CDYL2: variants seen among roughly 807,000 people sequenced by gnomAD.
CDYL2 encodes the protein chromodomain Y-like protein 2.
CDYL2 carries 23 observed loss-of-function variants against 49.4 expected under a neutral mutation model. That is an observed-to-expected ratio of 0.47 (90% CI 0.34 to 0.66). The LOEUF (loss-of-function observed/expected upper bound fraction) is 0.66, where lower values mean the gene tolerates loss of function less well. CDYL2 is among the 30% of genes least tolerant of loss of function. The pLI is 0.01. For synonymous variants in CDYL2, 360 were observed against 268.8 expected (o/e 1.34, Z -3.32); for missense variants, 678 against 656.4 (o/e 1.03, Z -0.36).
intron 4 of CDYL2, among the ~76,000 whole-genome samples, chr16:80,619,990 G>C (rs1001706593): frequency 6.6e-6 from 1 of 152,154 alleles, no homozygotes; most frequent in African/African-American, 2.4e-5. Flanking sequence ...ACCATGTGGA[G>C]TAAATGTTCC....
chr16:80,719,650 A>G (rs1244971919), intron 1 of CDYL2, among the ~76,000 whole-genome samples: 1 of 152,198 alleles, frequency 6.6e-6, no homozygotes, highest in African/African-American at 2.4e-5. Context: ...TGCCCAGGAG[A>G]AAACAAGGCC....
chr16:80,713,261 G>C (rs1183637372), intron 1 of CDYL2, among the ~76,000 whole-genome samples: 1 of 152,188 alleles, frequency 6.6e-6, no homozygotes, highest in East Asian at 1.9e-4. Flanking sequence ...ATATGTAGCT[G>C]GATGAAGTTA....
At chr16:80,642,443 A>G (rs1346405374) in intron 2 of CDYL2, among the ~76,000 whole-genome samples, 2 of 152,120 alleles carry the variant, frequency 1.3e-5, no homozygotes, top group Non-Finnish European at 2.9e-5. Context: ...ACTCCATCTA[A>G]AAAAAATTAT....
intron 1 of CDYL2, among the ~76,000 whole-genome samples, chr16:80,703,979 C>T (rs556471641): frequency 7.2e-5 from 11 of 152,282 alleles, no homozygotes; most frequent in Non-Finnish European, 1.6e-4. Flanking sequence ...TACACACAGG[C>T]CAACAATTGA....
intron 1 of CDYL2, among the ~76,000 whole-genome samples, chr16:80,712,335 G>C (rs893020013): frequency 6.6e-6 from 1 of 151,626 alleles, no homozygotes; most frequent in African/African-American, 2.4e-5. Flanking sequence ...CCATGCATAA[G>C]ACCCCCAGTG....
intron 1 of CDYL2, among the ~76,000 whole-genome samples, chr16:80,790,502 G>C (rs1907574950): frequency 6.6e-6 from 1 of 152,140 alleles, no homozygotes; most frequent in Admixed American, 6.5e-5. Flanking sequence ...TTAAATACAA[G>C]ATCTCACCAA....
chr16:80,674,601 A>T (rs1909666303), intron 2 of CDYL2, among the ~76,000 whole-genome samples: 1 of 152,202 alleles, frequency 6.6e-6, no homozygotes, highest in Admixed American at 6.5e-5. Flanking sequence ...CGTACCCATT[A>T]GCAGTCATTC....
intron 1 of CDYL2, among the ~76,000 whole-genome samples, chr16:80,724,644 A>G (rs1008710203): frequency 6.6e-6 from 1 of 152,212 alleles, no homozygotes; most frequent in African/African-American, 2.4e-5. Flanking sequence ...GCTTTGTTTC[A>G]CATACATATA....
intron 1 of CDYL2, among the ~76,000 whole-genome samples, chr16:80,733,286 A>T (rs563173613): frequency 6.6e-6 from 1 of 152,330 alleles, no homozygotes; most frequent in Non-Finnish European, 1.5e-5. Flanking sequence ...AGAATCTCAA[A>T]GGGGCCATAG....
At chr16:80,696,544 A>G (rs1910620218) in intron 1 of CDYL2, among the ~76,000 whole-genome samples, 2 of 152,094 alleles carry the variant, frequency 1.3e-5, no homozygotes, top group South Asian at 4.1e-4. Context: ...TATTATCGAA[A>G]TACAAAAAAT....
chr16:80,646,565 C>T (rs905554623), intron 2 of CDYL2, among the ~76,000 whole-genome samples: 1 of 152,120 alleles, frequency 6.6e-6, no homozygotes, highest in Non-Finnish European at 1.5e-5. Context: ...CCAAGGAAGG[C>T]AGATCACGAG....
chr16:80,701,318 A>G (rs975925920), intron 1 of CDYL2, among the ~76,000 whole-genome samples: 3 of 152,222 alleles, frequency 2.0e-5, no homozygotes, highest in Non-Finnish European at 4.4e-5. Flanking sequence ...CTAATTATTA[A>G]CAATGGTTTT....
chr16:80,697,971 C>T (rs1031623827), intron 1 of CDYL2, among the ~76,000 whole-genome samples: 1 of 151,914 alleles, frequency 6.6e-6, no homozygotes, highest in Non-Finnish European at 1.5e-5. Flanking sequence ...CCATACTAGC[C>T]GAAATGATCT....
chr16:80,723,238 G>T (rs374225338), intron 1 of CDYL2, among the ~76,000 whole-genome samples: 4 of 152,196 alleles, frequency 2.6e-5, no homozygotes, highest in African/African-American at 9.7e-5. Context: ...TTTTCCTCCT[G>T]GCACAAAGGC....
chr16:80,705,441 T>C (rs563391377), intron 1 of CDYL2, among the ~76,000 whole-genome samples: 10 of 152,366 alleles, frequency 6.6e-5, no homozygotes, highest in African/African-American at 2.2e-4. Context: ...AAGAACCCAC[T>C]GCTTCCTTCT....
At chr16:80,660,348 A>G (rs918213772) in intron 2 of CDYL2, among the ~76,000 whole-genome samples, 6 of 152,048 alleles carry the variant, frequency 3.9e-5, no homozygotes, top group African/African-American at 9.7e-5. Context: ...GACATGTTCA[A>G]TGACAACTGA....
intron 2 of CDYL2, among the ~76,000 whole-genome samples, chr16:80,649,137 T>A (rs1245891155): frequency 6.6e-6 from 1 of 152,092 alleles, no homozygotes; most frequent in Non-Finnish European, 1.5e-5. Flanking sequence ...AAGTTCTAGC[T>A]AGAGTAATTA....
intron 1 of CDYL2, among the ~76,000 whole-genome samples, chr16:80,688,608 A>C (rs1375928568): frequency 6.6e-6 from 1 of 152,186 alleles, no homozygotes; most frequent in Non-Finnish European, 1.5e-5. Flanking sequence ...GAAACACTGG[A>C]ATAACCACAA....
chr16:80,760,616 A>G (rs1390129937), intron 1 of CDYL2, among the ~76,000 whole-genome samples: 1 of 152,110 alleles, frequency 6.6e-6, no homozygotes, highest in African/African-American at 2.4e-5. Flanking sequence ...TGCACCTACT[A>G]TGTCGCCACA....
Sources: gnomAD v4.1 joint callset for allele counts (sites outside exome capture counted in the v4.1 genomes callset) on GRCh38, gnomAD v4.1.1 for gene constraint, MANE v1.5 for transcripts, NCBI Gene and HGNC (gene_info 2026-07-23, HGNC 2026-07-21) for gene names.